The following ARHGEF38 variants were observed in gnomAD, a reference collection of about 807,000 sequenced individuals.
ARHGEF38 encodes Rho guanine nucleotide exchange factor 38.
Under a neutral mutation model 79.9 loss-of-function variants are expected in ARHGEF38, and 79 were observed. The ratio of observed to expected loss-of-function variants is 0.99; its 90% CI spans 0.82 to 1.19. The LOEUF is 1.19. Ranked by LOEUF, ARHGEF38 falls within the 50% of genes most tolerant of loss-of-function variation. ARHGEF38 has a pLI of 0.00. For synonymous variants in ARHGEF38, 366 were observed against 328.3 expected, an observed-to-expected ratio of 1.11 and a Z score of -1.24; for missense variants, 962 against 907.2, an observed-to-expected ratio of 1.06 and a Z score of -0.78.
chr4:105,596,193 A>G (rs1248353293), intron 2 of ARHGEF38, among the ~76,000 whole-genome samples: 4 of 152,164 alleles, frequency 2.6e-5, no homozygotes, highest in Non-Finnish European at 5.9e-5. Context: ...GTTCTGTGTG[A>G]CATCCTACAA....
chr4:105,581,631 C>T (rs1726794168), intron 1 of ARHGEF38, among the ~76,000 whole-genome samples: 1 of 152,014 alleles, frequency 6.6e-6, no homozygotes, highest in South Asian at 2.1e-4. Flanking sequence ...TTATTATGAG[C>T]TTTTATTTTA....
intron 3 of ARHGEF38, among the ~76,000 whole-genome samples, chr4:105,626,052 TACCCAATTTTTACAA>T (rs1192842993): frequency 1.3e-5 from 2 of 152,216 alleles, no homozygotes; most frequent in African/African-American, 4.8e-5. Context: ...TGTCTTATAC[TACCCAATTTTTACAA>T]ACCTACATCT....
At chr4:105,596,824 A>G (rs970410918) in intron 2 of ARHGEF38, among the ~76,000 whole-genome samples, 1 of 152,182 alleles carries the variant, frequency 6.6e-6, no homozygotes, top group Non-Finnish European at 1.5e-5. Flanking sequence ...GACCGTCATG[A>G]CACCTCAAAG....
At chr4:105,631,668 C>G (rs1729200022) in intron 4 of ARHGEF38, 1 of 981,762 alleles carries the variant, frequency 1.0e-6, no homozygotes, top group East Asian at 1.1e-4. Flanking sequence ...GATAAAAACC[C>G]CTTGCTATTT....
Position 105,667,595 on chromosome 4 carries a change from C to T in ARHGEF38, c.2040C>T (p.Gly680=). 6 of 1,536,708 alleles carry T rather than the reference C, an allele frequency of 3.9e-6. No individual in the cohort carries two copies. Among genetic ancestry groups the T allele is most frequent in the Non-Finnish European group, 5.2e-6 (6 of 1,147,042 alleles). The stretch of plus-strand genomic sequence containing the variant: ...GGCCAGCTAGTGACAGTGTCACAGG[C>T]ACCTCAGAAAGCAGCATTGGTGATA... The part of the protein sequence containing the change: ...SSRPASDSVT[G]TSESSIGDSS... The change falls in exon 13 of 14, where the codon GGC becomes GGT. Residue 680 remains glycine, a synonymous_variant. Transcript: ENST00000420470.
At chr4:105,613,630 C>A in intron 3 of ARHGEF38, 123 bp downstream of exon 3, 1 of 1,079,190 alleles carries the variant, frequency 9.3e-7, no homozygotes, top group Non-Finnish European at 1.3e-6. Flanking sequence ...AAATGCTAAA[C>A]CCATCTTTGG....
intron 3 of ARHGEF38, among the ~76,000 whole-genome samples, chr4:105,613,838 T>A (rs1195685727): frequency 6.6e-6 from 1 of 152,164 alleles, no homozygotes; most frequent in Non-Finnish European, 1.5e-5. Flanking sequence ...ATTTAAATAT[T>A]CTAATAGCTT....
chr4:105,655,722 T>A lies in ARHGEF38; in HGVS notation c.1233T>A (p.Phe411Leu), dbSNP rs1298436428. The change falls in exon 9 of 14, where the codon TTT (phenylalanine) becomes TTA (leucine). Residue 411 changes from phenylalanine to leucine, a missense_variant and splice_region_variant. Coordinates refer to ENST00000420470, the MANE Select transcript of ARHGEF38 (RefSeq NM_001242729.2). ...ATGCCTTAAATTCGTGTCATGACTT[T>A]GTAAGTTATTTATATTCACAGATAA... ...LSNALNSCHD[F>L]ASHLQRLILT... 6.5e-7 allele frequency: 1 copy of A among 1,533,680 alleles called. No homozygotes were observed. The highest frequency in any genetic ancestry group is 2.0e-5 in the Admixed American group (1 of 50,782).
chr4:105,629,035 C>T (rs1424159852), intron 3 of ARHGEF38, among the ~76,000 whole-genome samples: 1 of 151,418 alleles, frequency 6.6e-6, no homozygotes, highest in African/African-American at 2.4e-5. Context: ...AATGAAGGCA[C>T]TAAGACTCAA....
intron 10 of ARHGEF38, among the ~76,000 whole-genome samples, chr4:105,664,353 C>A (rs949673426): frequency 2.0e-5 from 3 of 152,210 alleles, no homozygotes; most frequent in Admixed American, 2.0e-4. Context: ...TACTTTCCAA[C>A]TCTTTTAGAT....
intron 1 of ARHGEF38, among the ~76,000 whole-genome samples, chr4:105,589,033 T>A (rs1276708247): frequency 6.6e-6 from 1 of 152,244 alleles, no homozygotes; most frequent in African/African-American, 2.4e-5. Flanking sequence ...TAATTGAGTA[T>A]CATTTAACTC....
chr4:105,560,782 G>C (rs1725480626), intron 1 of ARHGEF38, among the ~76,000 whole-genome samples: 1 of 152,168 alleles, frequency 6.6e-6, no homozygotes, highest in South Asian at 2.1e-4. Flanking sequence ...ACTACTCTAA[G>C]TATTGTGAGT....
In ARHGEF38 at chr4:105,629,512, T is replaced by A. The variant is rs1729093016; in HGVS notation, c.509-1386T>A. Among the ~76,000 whole-genome samples the A allele has an allele frequency of 3.3e-5, 5 of 151,830 alleles. No individual in the cohort carries two copies. In the South Asian group the frequency reaches 1.0e-3, roughly 32 times the overall value. On this transcript the variant is annotated intron_variant, in intron 3 of 13. Transcript: ENST00000420470. The stretch of plus-strand genomic sequence containing the variant: ...ACTTACTCCTGTTAACTATAATAGG[T>A]CCAGATTAATAGGTCCAGATCACTG...
intron 1 of ARHGEF38, among the ~76,000 whole-genome samples, chr4:105,576,946 G>A (rs1001622915): frequency 6.6e-6 from 1 of 151,902 alleles, no homozygotes; most frequent in Non-Finnish European, 1.5e-5. Flanking sequence ...TAACCATCTC[G>A]GCAACCTGGG....
At chr4:105,620,804 C>T (rs556617939) in intron 3 of ARHGEF38, among the ~76,000 whole-genome samples, 1 of 148,664 alleles carries the variant, frequency 6.7e-6, no homozygotes, top group African/African-American at 2.6e-5. Flanking sequence ...TGGACCATGC[C>T]TCCTAGTTCA....
At chr4:105,613,327 A>C (rs202165524) in intron 2 of ARHGEF38, 57 bp from the exon 3 acceptor site, 287 of 1,557,682 alleles carry the variant, frequency 1.8e-4, no homozygotes, top group Non-Finnish European at 2.2e-4. Context: ...GTTTAGGAGG[A>C]GAAAACATCC....
Position 105,629,262 on chromosome 4 carries a change from G to C in ARHGEF38, c.509-1636G>C, listed in dbSNP as rs151097188. 2.3e-3 allele frequency among the ~76,000 whole-genome samples: 350 copies of C among 152,198 alleles called. 2 individuals carry two copies. Among genetic ancestry groups the C allele is most frequent in the African/African-American group, 7.9e-3 (327 of 41,528 alleles). On this transcript the variant is annotated intron_variant, in intron 3 of 13. Coordinates refer to ENST00000420470, the MANE Select transcript of ARHGEF38 (RefSeq NM_001242729.2). ...CTCTGAATTGGGTGGCTGGGGAGGGGTATGTGCTAAAATCCAGGGAAAAAA... is the reference window on the plus strand; with the variant it reads ...CTCTGAATTGGGTGGCTGGGGAGGGCTATGTGCTAAAATCCAGGGAAAAAA...
chr4:105,564,708 A>T (rs1328040594), intron 1 of ARHGEF38, among the ~76,000 whole-genome samples: 1 of 152,220 alleles, frequency 6.6e-6, no homozygotes, highest in African/African-American at 2.4e-5. Context: ...TTAAAATGGA[A>T]TGTAAGGCTT....
At chr4:105,638,984 T>G (rs1729512014) in intron 5 of ARHGEF38, among the ~76,000 whole-genome samples, 2 of 152,018 alleles carry the variant, frequency 1.3e-5, no homozygotes, top group Admixed American at 1.3e-4. Context: ...CTTTTGATAC[T>G]TATTGTCAGA....
Sources: allele counts gnomAD v4.1 joint callset (sites outside exome capture counted in the v4.1 genomes callset), GRCh38; gene constraint gnomAD v4.1.1; transcripts MANE v1.5; gene names NCBI Gene and HGNC (gene_info 2026-07-23, HGNC 2026-07-21).